EYA1: variants seen among roughly 807,000 people sequenced by gnomAD.
The protein encoded by EYA1 is protein phosphatase EYA1.
EYA1 carries 16 observed loss-of-function variants against 82.0 expected under a neutral mutation model. The ratio of observed to expected loss-of-function variants is 0.20; its 90% CI spans 0.13 to 0.30. EYA1 has a LOEUF of 0.30. Among genes scored for constraint, EYA1 ranks in the 10% least tolerant of loss-of-function variants. EYA1 has a pLI of 1.00. For synonymous variants in EYA1, 261 were observed against 264.4 expected (o/e 0.99, Z 0.12); for missense variants, 633 against 730.7 (o/e 0.87, Z 1.54).
upstream of EYA1, among the ~76,000 whole-genome samples, chr8:71,364,944 A>ATATATG (rs1827656380): frequency 5.4e-4 from 2 of 3,708 alleles, no homozygotes; most frequent in South Asian, 0.017. Flanking sequence ...AATGTCATAT[A>ATATATG]TATATATATA....
Position 71,454,794 on chromosome 8 carries a change from C to T in EYA1, c.33+80950G>A, listed in dbSNP as rs150245889. ...AGTGTGTAGAGGGAAATTTACAGCA[C>T]TAAATGCCCACAAAAGAAAGCAGGA... is the stretch of plus-strand genomic sequence containing the variant. On this transcript the variant is annotated intron_variant, in intron 2 of 18. Coordinates refer to the EYA1 transcript ENST00000643681. Among the ~76,000 whole-genome samples the T allele has an allele frequency of 2.5e-3, 381 of 152,248 alleles. 3 individuals carry two copies. Among genetic ancestry groups the T allele is most frequent in the African/African-American group, 8.9e-3 (371 of 41,534 alleles).
intron 2 of EYA1, among the ~76,000 whole-genome samples, chr8:71,484,327 C>T (rs930679020): frequency 6.6e-6 from 1 of 152,138 alleles, no homozygotes; most frequent in Non-Finnish European, 1.5e-5. Flanking sequence ...AAATGTGTAC[C>T]ATTACAGAAG....
intron 2 of EYA1, among the ~76,000 whole-genome samples, chr8:71,422,320 T>C (rs1455755455): frequency 1.3e-5 from 2 of 152,188 alleles, no homozygotes; most frequent in African/African-American, 2.4e-5. Context: ...ATTAGGGGTT[T>C]TACTCTCTAG....
chr8:71,259,620 C>T (rs1393478612), intron 11 of EYA1, among the ~76,000 whole-genome samples: 1 of 152,204 alleles, frequency 6.6e-6, no homozygotes, highest in Non-Finnish European at 1.5e-5. Flanking sequence ...ACACCAACCC[C>T]TCACAGAAGT....
intron 2 of EYA1, among the ~76,000 whole-genome samples, chr8:71,531,623 G>A (rs796743584): frequency 1.2e-4 from 18 of 152,176 alleles, no homozygotes; most frequent in African/African-American, 3.6e-4. Context: ...TGAAAGAAGC[G>A]GTTATAACTC....
chr8:71,198,666 A>T lies in EYA1; in HGVS notation c.*674T>A, dbSNP rs2128800288. 1 of 153,562 alleles carries T rather than the reference A, an allele frequency of 6.5e-6. No individual in the cohort carries two copies. Among genetic ancestry groups the T allele is most frequent in the Admixed American group, 6.5e-5 (1 of 15,410 alleles). The allele number at this position is 153,562 out of a possible 1,614,324, so 9.5% of individuals were successfully genotyped here. The stretch of plus-strand genomic sequence containing the variant: ...GATGTACATATTATACGTTTAAATT[A>T]GACATACTTAAAACTACTATGCAAT... On this transcript the variant is annotated 3_prime_UTR_variant, in exon 18 of 18. Transcript: ENST00000340726.
chr8:71,361,762 A>G lies in EYA1; in HGVS notation c.-170T>C. ...TGGATGGGTACGCGCGGGGGCTCTC[A>G]GGCGCTCTGGTGCAGCCGCGGCGCT... is the stretch of plus-strand genomic sequence containing the variant. On this transcript the variant is annotated 5_prime_UTR_variant, in exon 1 of 18. The change abolishes the stop of an existing upstream ORF in the 5' untranslated region. Transcript: ENST00000340726. The G allele has an allele frequency of 3.0e-6, 3 of 985,476 alleles. No individual in the cohort carries two copies. The highest frequency in any genetic ancestry group is 3.6e-6 in the Non-Finnish European group (3 of 829,956). 61.0% of individuals were successfully genotyped at this position (985,476 alleles called of 1,614,324 possible).
At chr8:71,503,506 C>T (rs765366821) in intron 2 of EYA1, among the ~76,000 whole-genome samples, 50 of 151,644 alleles carry the variant, frequency 3.3e-4, no homozygotes, top group Non-Finnish European at 6.5e-4. Context: ...CTTCAGTACA[C>T]CCTACATAAA....
In EYA1 at chr8:71,308,034, C is replaced by T. The variant is rs542140349; in HGVS notation, c.557-8314G>A. The stretch of plus-strand genomic sequence containing the variant: ...CATTTTCTGAGGTTATTTCCAACAT[C>T]ATCATGTGAGATGGCTGAGGCAGGG... On this transcript the variant is annotated intron_variant, in intron 7 of 17. Transcript: ENST00000340726. Among the ~76,000 whole-genome samples the T allele has an allele frequency of 1.3e-3, 204 of 152,302 alleles. 1 individual carries two copies. Among genetic ancestry groups the T allele is most frequent in the African/African-American group, 4.6e-3 (193 of 41,572 alleles).
intron 2 of EYA1, among the ~76,000 whole-genome samples, chr8:71,463,760 T>G (rs1170610137): frequency 6.6e-6 from 1 of 151,868 alleles, no homozygotes; most frequent in African/African-American, 2.4e-5. Flanking sequence ...CCTACCGGTC[T>G]GCCACAGTTG....
chr8:71,487,975 T>A (rs1320499551), intron 2 of EYA1, among the ~76,000 whole-genome samples: 1 of 152,018 alleles, frequency 6.6e-6, no homozygotes, highest in Middle Eastern at 3.2e-3. Flanking sequence ...TAAGTGCAAA[T>A]ATCCAATAAA....
chr8:71,499,917 G>A (rs1157512312), intron 2 of EYA1, among the ~76,000 whole-genome samples: 8 of 152,176 alleles, frequency 5.3e-5, no homozygotes, highest in Non-Finnish European at 2.9e-5. Context: ...ATTTTATAAC[G>A]CAGTCAGGGA....
chr8:71,300,042 A>T (rs1820034128), intron 7 of EYA1, among the ~76,000 whole-genome samples: 2 of 152,226 alleles, frequency 1.3e-5, no homozygotes, highest in South Asian at 4.1e-4. Context: ...TCTTTATATT[A>T]AATTCACATA....
intron 2 of EYA1, among the ~76,000 whole-genome samples, chr8:71,392,903 A>G (rs1290812653): frequency 1.3e-5 from 2 of 151,946 alleles, no homozygotes; most frequent in African/African-American, 4.8e-5. Context: ...TCATTTTTCT[A>G]TTTTATGTTT....
At chr8:71,278,894 C>T (rs749149881) in intron 9 of EYA1, among the ~76,000 whole-genome samples, 9 of 152,166 alleles carry the variant, frequency 5.9e-5, no homozygotes, top group Non-Finnish European at 1.3e-4. Flanking sequence ...CTCCTTTCTC[C>T]GTGCTTTGGG....
At chr8:71,243,871 T>C (rs1343955292) in intron 12 of EYA1, among the ~76,000 whole-genome samples, 1 of 152,264 alleles carries the variant, frequency 6.6e-6, no homozygotes, top group Non-Finnish European at 1.5e-5. Flanking sequence ...TGATGATTAA[T>C]GCCTGTTGGC....
In EYA1 at chr8:71,321,808, G is replaced by T. The variant is rs1368387497; in HGVS notation, c.344C>A (p.Thr115Asn). 6.2e-7 allele frequency: 1 copy of T among 1,614,238 alleles called. No individual in the cohort carries two copies. The highest frequency in any genetic ancestry group is 1.7e-5 in the Admixed American group (1 of 60,022). ...GGCTGTAGCTTGTTGCATTCCTGTG[G>T]TAAACTGTGTTTGCCCATATGCAGC... ...TMAAYGQTQF[T>N]TGMQQATAYA... is the part of the protein sequence containing the mutation. The change falls in exon 6 of 18, where the codon ACC becomes AAC. Residue 115 changes from threonine (T) to asparagine (N), a missense_variant. Physicochemically the swap from Thr to Asn is moderately conservative, Grantham distance 65. Transcript: ENST00000340726.
chr8:71,204,815 A>AACTT lies in EYA1; in HGVS notation c.1699-5399_1699-5396dup, dbSNP rs1410335174. Among the ~76,000 whole-genome samples, 12 of 152,340 alleles carry AACTT rather than the reference A, an allele frequency of 7.9e-5. No individual in the cohort carries two copies. In the East Asian group the frequency reaches 1.3e-3, roughly 17 times the overall value. Reference sequence around the variant, plus strand: ...GATATCAAGGGAGAACTTATTATGAAACTTATTGTGCAACGTTGCTCTTTT... The same window carrying AACTT: ...GATATCAAGGGAGAACTTATTATGAAACTTACTTATTGTGCAACGTTGCTCTTTT... On this transcript the variant is annotated intron_variant, in intron 17 of 17. Transcript: ENST00000340726.
chr8:71,438,387 G>C (rs905554868), intron 2 of EYA1, among the ~76,000 whole-genome samples: 2 of 151,318 alleles, frequency 1.3e-5, no homozygotes, highest in East Asian at 3.9e-4. Flanking sequence ...AAATAACCTA[G>C]ATAAATAATG....
Sources: allele counts gnomAD v4.1 joint callset (sites outside exome capture counted in the v4.1 genomes callset), GRCh38; gene constraint gnomAD v4.1.1; transcripts MANE v1.5; gene names NCBI Gene and HGNC (gene_info 2026-07-23, HGNC 2026-07-21).